NCAM2: variants seen among roughly 807,000 people sequenced by gnomAD.
NCAM2 encodes neural cell adhesion molecule 2, also known as N-CAM-2.
A neutral mutation model predicts 98.1 loss-of-function variants in NCAM2; 30 were observed. The ratio of observed to expected loss-of-function variants is 0.31; its 90% confidence interval spans 0.23 to 0.41. The LOEUF is 0.41. NCAM2 is among the 10% of genes least tolerant of loss of function. The pLI is 1.00. For synonymous variants in NCAM2, 368 were observed against 342.4 expected (o/e 1.07, Z -0.83); for missense variants, 867 against 1,005.8 (o/e 0.86, Z 1.87).
At chr21:21,091,775 A>G (rs986838016) in intron 1 of NCAM2, among the ~76,000 whole-genome samples, 4 of 152,220 alleles carry the variant, frequency 2.6e-5, no homozygotes, top group African/African-American at 2.4e-5. Flanking sequence ...GAGCAATCAT[A>G]TATCTTAAAA....
At chr21:21,239,306 G>C (rs956351010) in intron 1 of NCAM2, 2 of 152,136 alleles carry the variant, frequency 1.3e-5, no homozygotes, top group Admixed American at 6.6e-5. Flanking sequence ...TTCAGGCAAT[G>C]CTCATCCAAG....
intron 1 of NCAM2, among the ~76,000 whole-genome samples, chr21:21,142,721 G>C (rs1302174436): frequency 1.3e-5 from 2 of 152,000 alleles, no homozygotes; most frequent in East Asian, 3.9e-4. Context: ...TGTTTTTTGT[G>C]GTTTCTGGGT....
intron 1 of NCAM2, among the ~76,000 whole-genome samples, chr21:21,243,174 C>T (rs1222563668): frequency 6.6e-6 from 1 of 152,124 alleles, no homozygotes; most frequent in Non-Finnish European, 1.5e-5. Flanking sequence ...TCAGTGCAGG[C>T]AGCAGTTGCA....
At chr21:21,369,160 AC>A (rs1232873005) in intron 8 of NCAM2, among the ~76,000 whole-genome samples, 2 of 858 alleles carry the variant, frequency 2.3e-3, no homozygotes, top group Non-Finnish European at 4.9e-3. Context: ...ACATTATTCT[AC>A]TTTTTTGTAT....
At chr21:21,252,504 T>C (rs2071511717) in intron 1 of NCAM2, among the ~76,000 whole-genome samples, 1 of 151,878 alleles carries the variant, frequency 6.6e-6, no homozygotes, top group Non-Finnish European at 1.5e-5. Context: ...CAATCAATTA[T>C]AGAATATGCC....
rs181079219 is a variant in NCAM2 at position 21,314,387 on chromosome 21, A to G, written c.620-9996A>G. Among the ~76,000 whole-genome samples, 197 of 152,268 alleles carry G rather than the reference A, an allele frequency of 1.3e-3. 1 individual carries two copies. Among genetic ancestry groups the G allele is most frequent in the Admixed American group, 4.0e-3 (61 of 15,274 alleles). ...CAGTCATGTGAATCATTCTTCTCCT[A>G]TAACTATTGCATATTTTGGTGTTTG... On this transcript the variant is annotated intron_variant, in intron 5 of 17. Transcript: ENST00000400546.
At chr21:21,389,694 A>T (rs1203803062) in intron 9 of NCAM2, among the ~76,000 whole-genome samples, 1 of 152,100 alleles carries the variant, frequency 6.6e-6, no homozygotes, top group Non-Finnish European at 1.5e-5. Flanking sequence ...TTACCGCCTG[A>T]CTTATTTCAC....
chr21:21,200,663 A>G (rs1204283943), intron 1 of NCAM2, among the ~76,000 whole-genome samples: 6 of 150,656 alleles, frequency 4.0e-5, no homozygotes, highest in African/African-American at 1.5e-4. Context: ...GCTATCTTGT[A>G]TTTTACAGGA....
chr21:21,361,680 G>A (rs1364542089), intron 8 of NCAM2, among the ~76,000 whole-genome samples: 1 of 151,982 alleles, frequency 6.6e-6, no homozygotes, highest in Non-Finnish European at 1.5e-5. Context: ...CTGAACTCCA[G>A]TCTTCTATGT....
At chr21:21,085,360 C>T (rs2065887238) in intron 1 of NCAM2, among the ~76,000 whole-genome samples, 1 of 152,128 alleles carries the variant, frequency 6.6e-6, no homozygotes, top group South Asian at 2.1e-4. Flanking sequence ...CCCCTCCCTG[C>T]CCTTTCTGTC....
At chr21:21,258,323 T>C (rs771193281) in intron 1 of NCAM2, among the ~76,000 whole-genome samples, 1 of 152,076 alleles carries the variant, frequency 6.6e-6, no homozygotes, top group East Asian at 1.9e-4. Flanking sequence ...CCAGTTCTGC[T>C]CAGGACAAAG....
chr21:21,499,871 A>T (rs1987512994), intron 15 of NCAM2, among the ~76,000 whole-genome samples: 1 of 152,172 alleles, frequency 6.6e-6, no homozygotes, highest in Admixed American at 6.5e-5. Flanking sequence ...CAATTGTATT[A>T]TATGGACCAC....
chr21:21,286,863 G>C (rs1277635182), intron 4 of NCAM2, among the ~76,000 whole-genome samples: 1 of 151,878 alleles, frequency 6.6e-6, no homozygotes, highest in Admixed American at 6.6e-5. Context: ...AGTACATCCT[G>C]CTGTATTCAA....
At chr21:21,353,592 A>T (rs570512264) in intron 8 of NCAM2, among the ~76,000 whole-genome samples, 1 of 152,290 alleles carries the variant, frequency 6.6e-6, no homozygotes, top group South Asian at 2.1e-4. Context: ...GATGAAGGCT[A>T]GTCTCTACCT....
At position 21,329,200 on chromosome 21, in the gene NCAM2, G is replaced by A. The variant is rs140215935; in HGVS notation, c.737+4700G>A. ...CACTCCATGTGATTATCCCGCGTCC[G>A]CCTCCCAAAGTGCTAAGATTACAGG... On this transcript the variant is annotated intron_variant, in intron 6 of 17. Coordinates refer to ENST00000400546, the MANE Select transcript of NCAM2 (RefSeq NM_004540.5). Among the ~76,000 whole-genome samples the A allele has an allele frequency of 9.5e-3, 1,439 of 152,024 alleles. 29 individuals carry two copies. Among genetic ancestry groups the A allele is most frequent in the African/African-American group, 0.032 (1,347 of 41,474 alleles).
chr21:21,213,802 TC>T lies in NCAM2; in HGVS notation c.56-66774del, dbSNP rs751936562. On this transcript the variant is annotated intron_variant, in intron 1 of 17. Transcript: ENST00000400546. Reference sequence around the variant, plus strand: ...AGTACTTATAAAGAAGTACATAATCTCCTCTTTGATATCTCTTATAAAATAA... The same window carrying T: ...AGTACTTATAAAGAAGTACATAATCTCTCTTTGATATCTCTTATAAAATAA... Among the ~76,000 whole-genome samples, 6 of 152,258 alleles carry T rather than the reference TC, an allele frequency of 3.9e-5. No homozygotes were observed. In the East Asian group the frequency reaches 7.7e-4, roughly 20 times the overall value.
At chr21:21,009,773 G>A (rs1158685389) in intron 1 of NCAM2, among the ~76,000 whole-genome samples, 1 of 151,900 alleles carries the variant, frequency 6.6e-6, no homozygotes, top group Non-Finnish European at 1.5e-5. Context: ...TAAGAGAAGT[G>A]AGAAAATACT....
chr21:21,301,709 A>T (rs2073720923), intron 5 of NCAM2, among the ~76,000 whole-genome samples: 1 of 151,242 alleles, frequency 6.6e-6, no homozygotes, highest in Non-Finnish European at 1.5e-5. Context: ...TACAAAGGAC[A>T]TGAACTCATC....
chr21:21,142,377 G>GTTTTTTTT (rs10686568), intron 1 of NCAM2, among the ~76,000 whole-genome samples: 16 of 107,172 alleles, frequency 1.5e-4, no homozygotes, highest in East Asian at 5.9e-4. Context: ...TTTTTTTTAT[G>GTTTTTTTT]TTTTTTTTTT....
Sources: gnomAD v4.1 joint callset for allele counts (sites outside exome capture counted in the v4.1 genomes callset) on GRCh38, gnomAD v4.1.1 for gene constraint, MANE v1.5 for transcripts, NCBI Gene and HGNC (gene_info 2026-07-23, HGNC 2026-07-21) for gene names.